The following SASH1 variants were observed in gnomAD, a reference collection of about 807,000 sequenced individuals.
The protein encoded by SASH1 is SAM and SH3 domain-containing protein 1.
In SASH1, 44 loss-of-function variants were observed where a neutral mutation model predicts 125.2. The ratio of observed to expected loss-of-function variants is 0.35; its 90% confidence interval spans 0.28 to 0.45. SASH1 has a LOEUF of 0.45. SASH1 is among the 20% of genes least tolerant of loss of function. SASH1 has a pLI of 1.00. For synonymous variants in SASH1, 639 were observed against 649.1 expected, an observed-to-expected ratio of 0.98 and a Z score of 0.24; for missense variants, 1,426 against 1,614.5, an observed-to-expected ratio of 0.88 and a Z score of 2.00.
intron 8 of SASH1, among the ~76,000 whole-genome samples, chr6:148,511,830 A>G (rs1318936571): frequency 1.3e-5 from 2 of 151,870 alleles, no homozygotes; most frequent in East Asian, 1.9e-4. Flanking sequence ...AGTTTTTTCT[A>G]TACCCCATTT....
At chr6:148,507,741 C>T (rs1156309356) in intron 8 of SASH1, among the ~76,000 whole-genome samples, 6 of 152,138 alleles carry the variant, frequency 3.9e-5, no homozygotes, top group Admixed American at 2.0e-4. Flanking sequence ...CCTACGCATC[C>T]CTGAGTCCTG....
chr6:148,229,147 A>AAAC, the SASH1 span, among the ~76,000 whole-genome samples: 2 of 141,668 alleles, frequency 1.4e-5, no homozygotes, highest in African/African-American at 5.1e-5. Flanking sequence ...AAAAAAAAAA[A>AAAC]AAAAAAAAAA....
chr6:148,366,048 G>A (rs1782439202), intron 1 of SASH1, among the ~76,000 whole-genome samples: 1 of 152,154 alleles, frequency 6.6e-6, no homozygotes, highest in Non-Finnish European at 1.5e-5. Context: ...GGGAGGTGGA[G>A]GTTGCGGTGA....
intron 4 of SASH1, among the ~76,000 whole-genome samples, chr6:148,449,078 C>CTTTTTCTTTTTTTTTTTCTTTTTTT: frequency 2.6e-3 from 227 of 88,664 alleles, no homozygotes; most frequent in Non-Finnish European, 4.2e-3. Flanking sequence ...CATTTCATTT[C>CTTTTTCTTTTTTTTTTTCTTTTTTT]TTTTTTTTTT....
intron 7 of SASH1, among the ~76,000 whole-genome samples, chr6:148,485,883 G>A (rs1778817460): frequency 6.6e-6 from 1 of 152,136 alleles, no homozygotes; most frequent in African/African-American, 2.4e-5. Flanking sequence ...TTGGCACATG[G>A]AACATGATTT....
At chr6:148,432,953 C>T (rs1007486250) in intron 2 of SASH1, among the ~76,000 whole-genome samples, 4 of 152,158 alleles carry the variant, frequency 2.6e-5, no homozygotes, top group Non-Finnish European at 4.4e-5. Flanking sequence ...TTTAGTGTGG[C>T]TGTAGATGTG....
intron 1 of SASH1, among the ~76,000 whole-genome samples, chr6:148,357,442 T>A (rs573833736): frequency 9.3e-4 from 141 of 152,300 alleles, no homozygotes; most frequent in African/African-American, 3.2e-3. Context: ...CCAGATGGAT[T>A]TGGCCTCTGC....
chr6:148,368,132 A>G (rs1320450645), intron 1 of SASH1, among the ~76,000 whole-genome samples: 2 of 152,224 alleles, frequency 1.3e-5, no homozygotes, highest in Non-Finnish European at 2.9e-5. Flanking sequence ...GGAAGGCCTC[A>G]GTAGATGGCT....
chr6:148,474,295 C>A, intron 7 of SASH1, 73 bp downstream of exon 7: 1 of 867,862 alleles, frequency 1.2e-6, no homozygotes, highest in South Asian at 1.5e-5. Context: ...TTGCGGCCAA[C>A]AAGGGGTATA....
At chr6:148,430,363 G>T (rs189761968) in intron 2 of SASH1, among the ~76,000 whole-genome samples, 1 of 152,180 alleles carries the variant, frequency 6.6e-6, no homozygotes, top group African/African-American at 2.4e-5. Flanking sequence ...TCAGAGTCTC[G>T]CTCTGTCACC....
At chr6:148,485,205 T>G (rs1778791245) in intron 7 of SASH1, among the ~76,000 whole-genome samples, 1 of 152,116 alleles carries the variant, frequency 6.6e-6, no homozygotes, top group Non-Finnish European at 1.5e-5. Context: ...GAAGACATAA[T>G]AATCTCATGA....
At chr6:148,199,860 G>A in the SASH1 span, among the ~76,000 whole-genome samples, 1 of 151,942 alleles carries the variant, frequency 6.6e-6, no homozygotes. Context: ...GGAAAGGAAA[G>A]AAAAGAGAAG....
chr6:148,210,267 C>T, the SASH1 span, among the ~76,000 whole-genome samples: 1,027 of 152,292 alleles, frequency 6.7e-3, 10 homozygotes, highest in African/African-American at 0.023. Flanking sequence ...GTGGCTCACA[C>T]CTGTAATTCC....
At chr6:148,306,061 A>G (rs920033042) in intron 1 of SASH1, among the ~76,000 whole-genome samples, 3 of 152,204 alleles carry the variant, frequency 2.0e-5, no homozygotes, top group African/African-American at 7.2e-5. Context: ...ATAAAAATTC[A>G]AAATTAAAAC....
chr6:148,399,214 CTTTTTTTTTT>C (rs371374910), intron 2 of SASH1, among the ~76,000 whole-genome samples: 21,065 of 106,746 alleles, frequency 0.2, 1,718 homozygotes, highest in African/African-American at 0.3. Flanking sequence ...ATTTCAGCTT[CTTTTTTTTTT>C]TTTTTTTTTT....
intron 16 of SASH1, among the ~76,000 whole-genome samples, chr6:148,535,917 G>A (rs2115420641): frequency 6.6e-6 from 1 of 152,262 alleles, no homozygotes; most frequent in South Asian, 2.1e-4. Flanking sequence ...AAATGTATCA[G>A]GCCTGAGAAA....
chr6:148,532,905 G>C lies in SASH1; in HGVS notation c.1673G>C (p.Arg558Pro). The C allele has an allele frequency of 6.2e-7, 1 of 1,614,194 alleles. No homozygotes were observed. The highest frequency in any genetic ancestry group is 8.5e-7 in the Non-Finnish European group (1 of 1,180,040). Residue 558 changes from arginine (R) to proline (P), a missense_variant, in exon 14 of 20, where the codon CGT becomes CCT. Coordinates refer to ENST00000367467, the MANE Select transcript of SASH1 (RefSeq NM_015278.5). This position sits in a 1 kb window ranked among gnomAD's most constrained non-coding sequence, Gnocchi z 4.7. ...CCTTACCGAGGCCCGTTCTGCGGGC[G>C]TGCCAGGGTGCACACCGACTTCACC... Reference protein sequence around the residue: ...EPPYRGPFCGRARVHTDFTPS... With the variant: ...EPPYRGPFCGPARVHTDFTPS...
chr6:148,375,785 G>A (rs114667412), intron 1 of SASH1, among the ~76,000 whole-genome samples: 2 of 152,216 alleles, frequency 1.3e-5, no homozygotes, highest in Admixed American at 6.5e-5. Flanking sequence ...TCTCTAAATC[G>A]GATTTTTCCT....
intron 12 of SASH1, among the ~76,000 whole-genome samples, chr6:148,530,737 C>A (rs1450792325): frequency 6.6e-6 from 1 of 152,168 alleles, no homozygotes; most frequent in Non-Finnish European, 1.5e-5. Flanking sequence ...AGTGTGATAT[C>A]GTCTATTGAT....
Sources: allele counts gnomAD v4.1 joint callset (sites outside exome capture counted in the v4.1 genomes callset), GRCh38; gene constraint gnomAD v4.1.1; non-coding constraint Gnocchi (gnomAD v3.1); transcripts MANE v1.5; gene names NCBI Gene and HGNC (gene_info 2026-07-23, HGNC 2026-07-21).